RAB3IP: variants seen among roughly 807,000 people sequenced by gnomAD.
The protein encoded by RAB3IP is rab-3A-interacting protein.
In RAB3IP, 36 loss-of-function variants were observed where a neutral mutation model predicts 59.1. That is an observed-to-expected ratio of 0.61 (90% CI 0.47 to 0.80). RAB3IP has a LOEUF of 0.80. RAB3IP is among the 30% of genes least tolerant of loss of function. The pLI is 0.00. For synonymous variants in RAB3IP, 207 were observed against 191.2 expected, an observed-to-expected ratio of 1.08 and a Z score of -0.68; for missense variants, 511 against 536.0, an observed-to-expected ratio of 0.95 and a Z score of 0.46.
chr12:69,799,784 CT>C (rs1260014311), intron 6 of RAB3IP, among the ~76,000 whole-genome samples: 6 of 151,936 alleles, frequency 3.9e-5, no homozygotes, highest in Non-Finnish European at 8.8e-5. Context: ...TCCAAATTAC[CT>C]TTTTATTGTT....
intron 5 of RAB3IP, among the ~76,000 whole-genome samples, 168 bp from the exon 6 acceptor site, chr12:69,794,973 A>G (rs1877210589): frequency 6.6e-6 from 1 of 152,212 alleles, no homozygotes; most frequent in Non-Finnish European, 1.5e-5. Flanking sequence ...TCCAAACCAT[A>G]TGGAAACATC....
At chr12:69,813,323 G>T (rs1265284809) in intron 10 of RAB3IP, among the ~76,000 whole-genome samples, 1 of 152,154 alleles carries the variant, frequency 6.6e-6, no homozygotes, top group East Asian at 1.9e-4. Context: ...AAACCAGATG[G>T]TAAATGAGAA....
At chr12:69,787,072 A>G (rs1875800173) in intron 4 of RAB3IP, among the ~76,000 whole-genome samples, 1 of 152,054 alleles carries the variant, frequency 6.6e-6, no homozygotes, top group Non-Finnish European at 1.5e-5. Flanking sequence ...TTTGCACTTT[A>G]TATGTGTGTG....
At chr12:69,797,005 T>C (rs1565915756) in intron 6 of RAB3IP, among the ~76,000 whole-genome samples, 1 of 152,208 alleles carries the variant, frequency 6.6e-6, no homozygotes, top group Admixed American at 6.5e-5. Context: ...TGATGTTTCA[T>C]GAAAAACTTG....
At chr12:69,751,233 G>T (rs547535157) in intron 1 of RAB3IP, among the ~76,000 whole-genome samples, 2 of 152,254 alleles carry the variant, frequency 1.3e-5, no homozygotes, top group South Asian at 4.1e-4. Context: ...TTGATGTTCA[G>T]ATTGTCCCGT....
intron 4 of RAB3IP, among the ~76,000 whole-genome samples, chr12:69,790,570 C>T (rs1294010649): frequency 6.6e-6 from 1 of 151,852 alleles, no homozygotes; most frequent in Admixed American, 6.6e-5. Context: ...CTACAAAAAA[C>T]GTTAATAGCC....
At chr12:69,773,025 T>A (rs1031065692) in intron 3 of RAB3IP, among the ~76,000 whole-genome samples, 1 of 152,186 alleles carries the variant, frequency 6.6e-6, no homozygotes, top group Non-Finnish European at 1.5e-5. Flanking sequence ...TGGGAAACTT[T>A]TAATCTTCAT....
At chr12:69,787,143 G>T (rs1875815166) in intron 4 of RAB3IP, among the ~76,000 whole-genome samples, 1 of 152,046 alleles carries the variant, frequency 6.6e-6, no homozygotes, top group Non-Finnish European at 1.5e-5. Context: ...CACAGTTTTG[G>T]TAAGTCTGAC....
intron 3 of RAB3IP, among the ~76,000 whole-genome samples, chr12:69,766,481 GT>G (rs1555221440): frequency 6.6e-6 from 1 of 150,576 alleles, no homozygotes; most frequent in Non-Finnish European, 1.5e-5. Context: ...AATTCCTTAC[GT>G]CAGTTTTTTG....
chr12:69,782,406 G>A (rs933799361), intron 3 of RAB3IP, among the ~76,000 whole-genome samples: 5 of 152,172 alleles, frequency 3.3e-5, no homozygotes, highest in East Asian at 1.9e-4. Flanking sequence ...CTCGTGATCC[G>A]CCCACCTCAG....
chr12:69,756,686 C>A, intron 3 of RAB3IP, 23 bp downstream of exon 3: 1 of 1,589,964 alleles, frequency 6.3e-7, no homozygotes, highest in Non-Finnish European at 8.6e-7. Context: ...ATATTTTATT[C>A]TTCCATATAT....
chr12:69,772,709 A>AT (rs1392408387), intron 3 of RAB3IP, among the ~76,000 whole-genome samples: 1 of 152,164 alleles, frequency 6.6e-6, no homozygotes, highest in African/African-American at 2.4e-5. Context: ...CACATTTTGA[A>AT]TTTTTGATGT....
intron 3 of RAB3IP, among the ~76,000 whole-genome samples, chr12:69,763,292 G>T (rs1019102673): frequency 3.3e-5 from 5 of 152,190 alleles, no homozygotes; most frequent in African/African-American, 1.2e-4. Flanking sequence ...AACGACTCTG[G>T]TGAAGCTCTC....
At chr12:69,778,959 G>C (rs1174734466) in intron 3 of RAB3IP, 1 of 70,192 alleles carries the variant, frequency 1.4e-5, no homozygotes, top group South Asian at 6.4e-4. Flanking sequence ...CGAGCTTCCC[G>C]GCTGCTTTGT....
chr12:69,742,051 C>T (rs1022820842), intron 1 of RAB3IP, among the ~76,000 whole-genome samples: 7 of 152,106 alleles, frequency 4.6e-5, no homozygotes, highest in African/African-American at 1.7e-4. Context: ...TATAATCATT[C>T]CCATATCTTT....
intron 1 of RAB3IP, among the ~76,000 whole-genome samples, chr12:69,748,208 G>T (rs925545088): frequency 5.9e-5 from 9 of 151,702 alleles, no homozygotes; most frequent in African/African-American, 2.2e-4. Context: ...CAAGTTGCTA[G>T]ATTTCATTTA....
intron 3 of RAB3IP, among the ~76,000 whole-genome samples, chr12:69,771,730 T>C (rs528245934): frequency 6.6e-6 from 1 of 152,294 alleles, no homozygotes. Context: ...CTGTTGTCTG[T>C]AATGGCTGTA....
intron 4 of RAB3IP, among the ~76,000 whole-genome samples, chr12:69,790,268 C>G (rs1876390039): frequency 6.6e-6 from 1 of 152,014 alleles, no homozygotes; most frequent in Non-Finnish European, 1.5e-5. Context: ...AACCAGTTAC[C>G]TGAAAAGGAA....
intron 6 of RAB3IP, chr12:69,795,832 CA>C (rs1490741211): frequency 1.7e-4 from 27 of 160,992 alleles, no homozygotes; most frequent in African/African-American, 5.7e-4. Flanking sequence ...GGTAGCCTTA[CA>C]ATGACATAAG....
Sources: allele counts gnomAD v4.1 joint callset (sites outside exome capture counted in the v4.1 genomes callset), GRCh38; gene constraint gnomAD v4.1.1; transcripts MANE v1.5; gene names NCBI Gene and HGNC (gene_info 2026-07-23, HGNC 2026-07-21).